The following KANK1 variants were observed in gnomAD, a reference collection of about 807,000 sequenced individuals.
KANK1 encodes the protein KN motif and ankyrin repeat domains 1, also known as KN motif and ankyrin repeat domain-containing protein 1.
In KANK1, 109 loss-of-function variants were observed where a neutral mutation model predicts 106.2. The observed-to-expected ratio is 1.03, with a 90% CI of 0.88 to 1.20. The LOEUF (loss-of-function observed/expected upper bound fraction) is 1.20. KANK1 is among the 50% of genes most tolerant of loss of function. The pLI is 0.00. For synonymous variants in KANK1, 873 were observed against 652.2 expected, an observed-to-expected ratio of 1.34 and a Z score of -5.16; for missense variants, 2,399 against 1,710.7, an observed-to-expected ratio of 1.40 and a Z score of -7.10.
intron 1 of KANK1, among the ~76,000 whole-genome samples, chr9:651,826 G>C (rs1840943222): frequency 6.6e-6 from 1 of 152,334 alleles, no homozygotes; most frequent in Non-Finnish European, 1.5e-5. Context: ...ATGATATACA[G>C]AGGTTGAGTT....
intron 1 of KANK1, among the ~76,000 whole-genome samples, chr9:583,362 G>C (rs1011392299): frequency 6.6e-6 from 1 of 152,188 alleles, no homozygotes; most frequent in Non-Finnish European, 1.5e-5. Context: ...TAAGTCCTCA[G>C]TAAGTAGCAG....
At chr9:574,545 T>A (rs115191570) in intron 1 of KANK1, among the ~76,000 whole-genome samples, 2 of 152,076 alleles carry the variant, frequency 1.3e-5, no homozygotes. Context: ...GAAGCCTTTT[T>A]ATTTGTAATG....
chr9:569,829 T>G (rs1376120469), intron 1 of KANK1, among the ~76,000 whole-genome samples: 3 of 148,696 alleles, frequency 2.0e-5, no homozygotes, highest in African/African-American at 5.0e-5. Flanking sequence ...AGATTGGGTG[T>G]TTTTTTTTTC....
intron 1 of KANK1, among the ~76,000 whole-genome samples, chr9:543,499 C>T (rs992531365): frequency 6.8e-6 from 1 of 147,434 alleles, no homozygotes; most frequent in Non-Finnish European, 1.5e-5. Flanking sequence ...GTGGAGGTTG[C>T]AGTGAATCAA....
intron 3 of KANK1, among the ~76,000 whole-genome samples, chr9:484,839 A>G (rs974469174): frequency 3.9e-5 from 6 of 152,074 alleles, no homozygotes; most frequent in South Asian, 2.1e-4. Flanking sequence ...CTCTGGGGAT[A>G]GTTACTCTCA....
intron 1 of KANK1, among the ~76,000 whole-genome samples, chr9:574,588 G>A (rs1820056317): frequency 2.0e-5 from 3 of 152,142 alleles, no homozygotes; most frequent in South Asian, 4.1e-4. Context: ...CGCGCGTGGT[G>A]GCTTATGCCT....
intron 1 of KANK1, among the ~76,000 whole-genome samples, chr9:579,451 C>A (rs1195833415): frequency 6.6e-6 from 1 of 152,100 alleles, no homozygotes. Flanking sequence ...GTGTGTTGTC[C>A]CTGCTTCTCT....
At chr9:695,778 C>G (rs981674957) in intron 2 of KANK1, among the ~76,000 whole-genome samples, 13 of 152,144 alleles carry the variant, frequency 8.5e-5, no homozygotes, top group African/African-American at 3.1e-4. Context: ...ATTATTTTCT[C>G]AAACAATTGG....
chr9:698,753 G>A (rs1182875341), intron 2 of KANK1, among the ~76,000 whole-genome samples: 1 of 152,154 alleles, frequency 6.6e-6, no homozygotes, highest in Non-Finnish European at 1.5e-5. Context: ...ATGGTGCAAA[G>A]GAGTTTGTTA....
intron 1 of KANK1, among the ~76,000 whole-genome samples, chr9:617,084 C>T (rs531689924): frequency 6.6e-6 from 1 of 151,828 alleles, no homozygotes; most frequent in Non-Finnish European, 1.5e-5. Context: ...AATATACTAC[C>T]GTAAGTGAAT....
At chr9:666,787 C>G (rs1446767778) in intron 1 of KANK1, among the ~76,000 whole-genome samples, 1 of 151,986 alleles carries the variant, frequency 6.6e-6, no homozygotes, top group Non-Finnish European at 1.5e-5. Context: ...TGGGGTGAAT[C>G]CCACTTGATA....
At chr9:612,081 C>A (rs916416804) in intron 1 of KANK1, among the ~76,000 whole-genome samples, 2 of 152,176 alleles carry the variant, frequency 1.3e-5, no homozygotes, top group Non-Finnish European at 2.9e-5. Context: ...ATAGGATTGG[C>A]TTTCATTTGC....
rs35320012 is a variant in KANK1, at chr9:557,188, GAAAAA to G, written c.-84+52450_-84+52454del. Among the ~76,000 whole-genome samples, 382 of 113,504 alleles carry G rather than the reference GAAAAA, an allele frequency of 3.4e-3. 1 individual carries two copies. The East Asian group carries it at 0.035, about 10-fold the overall frequency. The allele number at this position is 113,504 out of a possible 152,430, so 74.5% of individuals were successfully genotyped here. A position where few individuals can be genotyped will look rare whatever the true frequency, so the allele number is the denominator to read the frequency against. On this transcript the variant is annotated intron_variant, in intron 1 of 11. Transcript: ENST00000382297. ...ACAGAGCAAGACCATGTCTCAAAAGGAAAAAAAAAAAAAAAAAAAATTTATTCATT... is the reference window on the plus strand; with the variant it reads ...ACAGAGCAAGACCATGTCTCAAAAGGAAAAAAAAAAAAAAATTTATTCATT...
intron 1 of KANK1, among the ~76,000 whole-genome samples, chr9:576,914 A>G (rs996335052): frequency 6.6e-6 from 1 of 152,214 alleles, no homozygotes; most frequent in African/African-American, 2.4e-5. Flanking sequence ...ACTGACTTCA[A>G]GAATGAAGCC....
At chr9:514,119 CCTCTCTCT>C (rs1267673532) in intron 1 of KANK1, among the ~76,000 whole-genome samples, 3 of 118,904 alleles carry the variant, frequency 2.5e-5, no homozygotes, top group South Asian at 2.8e-4. Flanking sequence ...TCTCTTCCTC[CCTCTCTCT>C]CTCCCTCCCT....
At chr9:655,375 A>T (rs1180986127) in intron 1 of KANK1, among the ~76,000 whole-genome samples, 9 of 5,596 alleles carry the variant, frequency 1.6e-3, no homozygotes, top group Non-Finnish European at 3.5e-3. Context: ...CTGTCTAAAA[A>T]AAAAAAAAAA....
intron 1 of KANK1, among the ~76,000 whole-genome samples, chr9:615,198 A>T (rs1476403372): frequency 6.6e-6 from 1 of 152,164 alleles, no homozygotes; most frequent in Non-Finnish European, 1.5e-5. Flanking sequence ...GGCCTTCCAA[A>T]GTGCTGGGAT....
At chr9:609,744 C>A (rs1006874439) in intron 1 of KANK1, among the ~76,000 whole-genome samples, 1 of 152,050 alleles carries the variant, frequency 6.6e-6, no homozygotes, top group Non-Finnish European at 1.5e-5. Context: ...AAAGTTAATT[C>A]TAAATAAAGG....
intron 11 of KANK1, 171 bp from the exon 12 acceptor site, chr9:745,002 C>T (rs1342355776): frequency 4.7e-6 from 7 of 1,500,184 alleles, no homozygotes; most frequent in Non-Finnish European, 6.2e-6. Context: ...CTGCTGAGCC[C>T]AGCTGGCCTT....
Sources: allele counts gnomAD v4.1 joint callset (sites outside exome capture counted in the v4.1 genomes callset), GRCh38; gene constraint gnomAD v4.1.1; transcripts MANE v1.5; gene names NCBI Gene and HGNC (gene_info 2026-07-23, HGNC 2026-07-21).